KLF12: variants seen among roughly 807,000 people sequenced by gnomAD.
KLF12 encodes KLF transcription factor 12, also known as Krueppel-like factor 12.
KLF12 carries 9 observed loss-of-function variants against 37.8 expected under a neutral mutation model. The ratio of observed to expected loss-of-function variants is 0.24; its 90% CI spans 0.14 to 0.42. The LOEUF is 0.42. Among genes scored for constraint, KLF12 ranks in the 10% least tolerant of loss-of-function variants. The pLI is 1.00. For missense variants in KLF12, 411 were observed against 516.0 expected (o/e 0.80, Z 1.97); for synonymous variants, 208 against 202.1 (o/e 1.03, Z -0.25).
chr13:73,874,728 C>A (rs533367766), intron 3 of KLF12, among the ~76,000 whole-genome samples: 79 of 152,280 alleles, frequency 5.2e-4, no homozygotes, highest in Non-Finnish European at 8.2e-4. Context: ...ATTCAAGTGA[C>A]TGAAACTAAG....
intron 3 of KLF12, among the ~76,000 whole-genome samples, chr13:73,941,587 T>C (rs559469617): frequency 6.6e-6 from 1 of 152,204 alleles, no homozygotes; most frequent in Non-Finnish European, 1.5e-5. Flanking sequence ...GAACATTATA[T>C]GGTATATAAC....
At chr13:73,926,851 A>G (rs1889406755) in intron 3 of KLF12, among the ~76,000 whole-genome samples, 1 of 151,916 alleles carries the variant, frequency 6.6e-6, no homozygotes, top group Admixed American at 6.6e-5. Flanking sequence ...TTTCAGTAAA[A>G]TGGAGAGTCT....
chr13:73,823,339 T>A (rs1323632087), intron 4 of KLF12, among the ~76,000 whole-genome samples: 2 of 151,844 alleles, frequency 1.3e-5, no homozygotes, highest in Non-Finnish European at 2.9e-5. Context: ...CTATGCTATA[T>A]ACAGCTAGAT....
chr13:74,125,144 C>CAAAA (rs71115643), intron 1 of KLF12, among the ~76,000 whole-genome samples: 3,768 of 121,300 alleles, frequency 0.031, 86 homozygotes, highest in Non-Finnish European at 0.049. Context: ...GACTCCGTTT[C>CAAAA]AAAAAAAAAA....
At chr13:74,054,084 T>G (rs1873096925) in intron 1 of KLF12, among the ~76,000 whole-genome samples, 1 of 152,204 alleles carries the variant, frequency 6.6e-6, no homozygotes, top group Non-Finnish European at 1.5e-5. Flanking sequence ...TAGGGCACTG[T>G]AAATTTTAAA....
chr13:74,042,925 G>A (rs1893445471), intron 1 of KLF12, among the ~76,000 whole-genome samples: 1 of 152,152 alleles, frequency 6.6e-6, no homozygotes, highest in Non-Finnish European at 1.5e-5. Flanking sequence ...AGCAAAGTAG[G>A]AAGAAACCTA....
At chr13:74,114,438 C>T (rs969049545) in intron 1 of KLF12, among the ~76,000 whole-genome samples, 9 of 152,054 alleles carry the variant, frequency 5.9e-5, no homozygotes, top group African/African-American at 2.2e-4. Flanking sequence ...TAGTGACTTG[C>T]TTTATTGAGA....
chr13:73,933,983 A>G (rs1169918970), intron 3 of KLF12, among the ~76,000 whole-genome samples: 6 of 152,122 alleles, frequency 3.9e-5, no homozygotes, highest in African/African-American at 1.4e-4. Flanking sequence ...CTCTATACTC[A>G]CAGGACAACT....
intron 1 of KLF12, among the ~76,000 whole-genome samples, chr13:74,101,050 G>C (rs1411445510): frequency 6.6e-6 from 1 of 152,140 alleles, no homozygotes; most frequent in African/African-American, 2.4e-5. Flanking sequence ...CATCTATTCT[G>C]AGTGCTATTA....
intron 3 of KLF12, among the ~76,000 whole-genome samples, chr13:73,941,699 A>G (rs753249349): frequency 1.1e-4 from 17 of 152,228 alleles, no homozygotes; most frequent in Non-Finnish European, 2.1e-4. Context: ...TTAAAGCATT[A>G]CAAAATTGTT....
rs996652520 is a variant in KLF12, at chr13:73,688,860, G to A, written c.*6630C>T. The A allele has an allele frequency of 1.3e-5, 2 of 152,244 alleles. No homozygotes were observed. The highest frequency in any genetic ancestry group is 1.3e-4 in the Admixed American group (2 of 15,282). The allele number at this position is 152,244 out of a possible 1,614,324, so 9.4% of individuals were successfully genotyped here. A position where few individuals can be genotyped will look rare whatever the true frequency, so the allele number is the denominator to read the frequency against. On this transcript the variant is annotated 3_prime_UTR_variant, in exon 8 of 8. Coordinates refer to ENST00000377669, the MANE Select transcript of KLF12 (RefSeq NM_007249.5). ...GGACACCCACGTGCAGTGTGGTGGA[G>A]TGGGAAAGATACAGGCAGACCTCCA...
intron 6 of KLF12, among the ~76,000 whole-genome samples, chr13:73,718,757 G>A (rs951619911): frequency 1.3e-5 from 2 of 152,176 alleles, no homozygotes; most frequent in African/African-American, 4.8e-5. Context: ...AGCTGGGCGT[G>A]GTGGCATGTG....
At chr13:74,214,157 T>C in the KLF12 span, among the ~76,000 whole-genome samples, 1 of 152,222 alleles carries the variant, frequency 6.6e-6, no homozygotes, top group Non-Finnish European at 1.5e-5. Flanking sequence ...AAATATTATA[T>C]CAAACTTTCC....
chr13:74,064,246 C>T (rs1263320903), intron 1 of KLF12, among the ~76,000 whole-genome samples: 1 of 152,156 alleles, frequency 6.6e-6, no homozygotes, highest in Non-Finnish European at 1.5e-5. Flanking sequence ...TCTCAGAGAA[C>T]ACATAGGCTC....
chr13:74,005,274 A>T (rs868862506), intron 1 of KLF12, among the ~76,000 whole-genome samples: 32 of 152,298 alleles, frequency 2.1e-4, no homozygotes, highest in African/African-American at 7.0e-4. Context: ...GCTGTCAAAT[A>T]GTTAACTTCC....
intron 2 of KLF12, among the ~76,000 whole-genome samples, chr13:73,973,258 A>G (rs1212823899): frequency 6.6e-6 from 1 of 152,210 alleles, no homozygotes; most frequent in African/African-American, 2.4e-5. Flanking sequence ...TCTGTGCAAT[A>G]GGGCTCTTAC....
the KLF12 span, among the ~76,000 whole-genome samples, chr13:74,206,961 A>G: frequency 6.6e-6 from 1 of 152,194 alleles, no homozygotes; most frequent in African/African-American, 2.4e-5. Flanking sequence ...TTGTGCTGCT[A>G]TAAATTACTA....
At chr13:73,779,074 A>G (rs1450994126) in intron 5 of KLF12, among the ~76,000 whole-genome samples, 1 of 152,188 alleles carries the variant, frequency 6.6e-6, no homozygotes, top group Admixed American at 6.5e-5. Context: ...TAGTCTGCCT[A>G]TGTGTTGTAT....
chr13:73,892,783 G>A (rs76148239), intron 3 of KLF12, among the ~76,000 whole-genome samples: 3,043 of 152,188 alleles, frequency 0.02, 104 homozygotes, highest in African/African-American at 0.067. Flanking sequence ...TTGTGTATTC[G>A]TAGTATATGC....
Sources: allele counts gnomAD v4.1 joint callset (sites outside exome capture counted in the v4.1 genomes callset), GRCh38; gene constraint gnomAD v4.1.1; transcripts MANE v1.5; gene names NCBI Gene and HGNC (gene_info 2026-07-23, HGNC 2026-07-21).